The following COG5 variants were observed in gnomAD, a reference collection of about 807,000 sequenced individuals.
COG5 encodes conserved oligomeric Golgi complex subunit 5.
A neutral mutation model predicts 110.4 loss-of-function variants in COG5; 86 were observed. The ratio of observed to expected loss-of-function variants is 0.78; its 90% CI spans 0.65 to 0.93. The LOEUF is 0.93. Ranked by LOEUF, COG5 falls within the 40% of genes least tolerant of loss-of-function variation. The pLI, the probability that COG5 is intolerant of heterozygous loss-of-function variation, is 0.00. For synonymous variants in COG5, 360 were observed against 334.6 expected, an observed-to-expected ratio of 1.08 and a Z score of -0.83; for missense variants, 1,077 against 987.0, an observed-to-expected ratio of 1.09 and a Z score of -1.22.
At position 107,511,628 on chromosome 7, in the gene COG5, C is replaced by T. The variant is rs549672671; in HGVS notation, c.538+15609G>A. 5.1e-4 allele frequency among the ~76,000 whole-genome samples: 78 copies of T among 152,240 alleles called. No homozygotes were observed. The South Asian group carries it at 0.01, about 20-fold the overall frequency. Reference sequence around the variant, plus strand: ...TTTAGACCAATATCCTTGATGAACGCTGATGCAAAAATCCTCAATACAATA... The same window carrying T: ...TTTAGACCAATATCCTTGATGAACGTTGATGCAAAAATCCTCAATACAATA... On this transcript the variant is annotated intron_variant, in intron 6 of 21. Coordinates refer to ENST00000297135, the MANE Select transcript of COG5 (RefSeq NM_006348.5).
Position 107,236,152 on chromosome 7 carries a change from A to G in COG5, c.2091+298T>C, listed in dbSNP as rs1023097449. Among the ~76,000 whole-genome samples, 7 of 152,218 alleles carry G rather than the reference A, an allele frequency of 4.6e-5. No individual in the cohort carries two copies. In the South Asian group the frequency reaches 8.3e-4, roughly 18 times the overall value. ...CCTATTGGGACAGTAAAATAGTGAGAAAATCCCATATGAAATAAAAATGGG... is the reference window on the plus strand; with the variant it reads ...CCTATTGGGACAGTAAAATAGTGAGGAAATCCCATATGAAATAAAAATGGG... On this transcript the variant is annotated intron_variant, in intron 18 of 21. Coordinates refer to ENST00000297135, the MANE Select transcript of COG5 (RefSeq NM_006348.5).
intron 1 of COG5, among the ~76,000 whole-genome samples, chr7:107,561,207 C>T (rs897120797): frequency 6.6e-6 from 1 of 152,112 alleles, no homozygotes; most frequent in African/African-American, 2.4e-5. Flanking sequence ...TTCCTCATTC[C>T]CATAGAGGGC....
At chr7:107,482,490 G>A (rs910248341) in intron 6 of COG5, among the ~76,000 whole-genome samples, 1 of 151,736 alleles carries the variant, frequency 6.6e-6, no homozygotes, top group Non-Finnish European at 1.5e-5. Context: ...GTGTGCTGAC[G>A]TTTAACAATT....
rs543400589 is a variant in COG5, at chr7:107,326,867, G to A, written c.1027-2346C>T. The stretch of plus-strand genomic sequence containing the variant: ...CAAACAAACAAAGCTAGAGGCCTCA[G>A]ACTTCCTGACTTCAAGACATATTAC... On this transcript the variant is annotated intron_variant, in intron 10 of 21. Coordinates refer to ENST00000297135, the MANE Select transcript of COG5 (RefSeq NM_006348.5). 2.6e-5 allele frequency among the ~76,000 whole-genome samples: 4 copies of A among 152,264 alleles called. No individual in the cohort carries two copies. The East Asian group carries it at 5.8e-4, about 22-fold the overall frequency.
chr7:107,376,842 T>C (rs1814679172), intron 7 of COG5, among the ~76,000 whole-genome samples: 1 of 152,124 alleles, frequency 6.6e-6, no homozygotes, highest in Admixed American at 6.5e-5. Flanking sequence ...TGAATTGATT[T>C]TGAATGTTAT....
intron 7 of COG5, among the ~76,000 whole-genome samples, chr7:107,383,698 T>C (rs1015486152): frequency 3.3e-5 from 5 of 152,126 alleles, no homozygotes; most frequent in Non-Finnish European, 7.4e-5. Context: ...GGGCTGCCTG[T>C]TCCTCTCTTT....
At chr7:107,525,821 C>T (rs1800691334) in intron 6 of COG5, among the ~76,000 whole-genome samples, 1 of 152,140 alleles carries the variant, frequency 6.6e-6, no homozygotes, top group Admixed American at 6.6e-5. Flanking sequence ...TGGCCTCAAG[C>T]AATTCTGCCT....
intron 16 of COG5, among the ~76,000 whole-genome samples, chr7:107,251,292 T>A (rs946114804): frequency 6.6e-6 from 1 of 152,124 alleles, no homozygotes; most frequent in African/African-American, 2.4e-5. Context: ...TGTATAAACA[T>A]CCTTCAAAGA....
At chr7:107,204,714 A>C (rs73187322) in intron 21 of COG5, among the ~76,000 whole-genome samples, 1 of 152,262 alleles carries the variant, frequency 6.6e-6, no homozygotes, top group Non-Finnish European at 1.5e-5. Context: ...GCTATCACTG[A>C]TCAGTTTGTA....
At chr7:107,466,512 T>C (rs2129104939) in intron 6 of COG5, among the ~76,000 whole-genome samples, 1 of 152,374 alleles carries the variant, frequency 6.6e-6, no homozygotes, top group East Asian at 1.9e-4. Context: ...TATGCAATTC[T>C]GATGCATGTG....
chr7:107,455,029 T>A (rs1433479317), intron 6 of COG5, among the ~76,000 whole-genome samples: 1 of 152,300 alleles, frequency 6.6e-6, no homozygotes. Context: ...AAACACCTTA[T>A]ACCTAAGTAC....
At chr7:107,484,427 A>G (rs1462468293) in intron 6 of COG5, among the ~76,000 whole-genome samples, 2 of 152,108 alleles carry the variant, frequency 1.3e-5, no homozygotes, top group Non-Finnish European at 1.5e-5. Context: ...GGTCATTTAA[A>G]CAGGGAAAAG....
Position 107,459,085 on chromosome 7 carries a change from G to C in COG5, c.539-46453C>G, listed in dbSNP as rs1584851568. 4.6e-5 allele frequency among the ~76,000 whole-genome samples: 7 copies of C among 151,954 alleles called. No homozygotes were observed. In the South Asian group the frequency reaches 1.5e-3, roughly 31 times the overall value. ...GAACAAACAGAACAAATGAGAGGCA[G>C]AAGATGTAACCCTAACCATATGAAA... On this transcript the variant is annotated intron_variant, in intron 6 of 21. Coordinates refer to ENST00000297135, the MANE Select transcript of COG5 (RefSeq NM_006348.5).
At chr7:107,525,417 C>T (rs1439675537) in intron 6 of COG5, among the ~76,000 whole-genome samples, 1 of 152,072 alleles carries the variant, frequency 6.6e-6, no homozygotes, top group African/African-American at 2.4e-5. Context: ...ATTCCATAAT[C>T]CTACAAACTA....
chr7:107,270,668 C>T lies in COG5; in HGVS notation c.1575+10632G>A, dbSNP rs1228190959. ...ACACCCCTTTACTCCTTCATTTTCT[C>T]CAAACTTCCAAAATATATACTACAT... On this transcript the variant is annotated intron_variant, in intron 14 of 21. Transcript: ENST00000297135. Among the ~76,000 whole-genome samples the T allele has an allele frequency of 2.0e-5, 3 of 151,956 alleles. 1 individual carries two copies. Among genetic ancestry groups the T allele is most frequent in the Admixed American group, 2.0e-4 (3 of 15,242 alleles).
At chr7:107,271,619 TAG>T (rs1804280025) in intron 14 of COG5, among the ~76,000 whole-genome samples, 1 of 152,120 alleles carries the variant, frequency 6.6e-6, no homozygotes, top group African/African-American at 2.4e-5. Flanking sequence ...AGCTGGTAGA[TAG>T]AAATAGTTGG....
intron 3 of COG5, among the ~76,000 whole-genome samples, chr7:107,550,311 G>A (rs893009194): frequency 6.6e-6 from 1 of 152,014 alleles, no homozygotes; most frequent in African/African-American, 2.4e-5. Context: ...TTCCAAACCA[G>A]TGTCCCTGAT....
At chr7:107,439,539 A>T (rs1000721091) in intron 6 of COG5, among the ~76,000 whole-genome samples, 5 of 152,062 alleles carry the variant, frequency 3.3e-5, no homozygotes, top group Admixed American at 2.0e-4. Flanking sequence ...TGTAGTATAT[A>T]GGAAAATAAT....
Position 107,258,273 on chromosome 7 carries a change from C to T in COG5, c.1686G>A (p.Lys562=), listed in dbSNP as rs1803035678. The T allele has an allele frequency of 6.4e-7, 1 of 1,573,790 alleles. No individual in the cohort carries two copies. Among genetic ancestry groups the T allele is most frequent in the Non-Finnish European group, 8.7e-7 (1 of 1,143,964 alleles). The change falls in exon 15 of 22, where the codon AAG becomes AAA. Residue 562 remains lysine, a splice_region_variant and synonymous_variant. Coordinates refer to ENST00000297135, the MANE Select transcript of COG5 (RefSeq NM_006348.5). ...SLYKLHQSVT[K]VVSSQSSFPL... The stretch of plus-strand genomic sequence containing the variant: ...AAAAAAAACTTAATAAAATAGTTAC[C>T]TTTGTTACTGATTGGTGCAACTTAT...
Sources: gnomAD v4.1 joint callset for allele counts (sites outside exome capture counted in the v4.1 genomes callset) on GRCh38, gnomAD v4.1.1 for gene constraint, MANE v1.5 for transcripts, NCBI Gene and HGNC (gene_info 2026-07-23, HGNC 2026-07-21) for gene names.